Variants in PACS1 observed in about 807,000 individuals in gnomAD.
PACS1 encodes phosphofurin acidic cluster sorting protein 1, also known as PACS-1.
In PACS1, 24 loss-of-function variants were observed where a neutral mutation model predicts 115.0. The observed-to-expected ratio is 0.21, with a 90% CI of 0.15 to 0.29. The LOEUF is 0.29. Among genes scored for constraint, PACS1 ranks in the 10% least tolerant of loss-of-function variants. PACS1 has a pLI of 1.00. For missense variants in PACS1, 838 were observed against 1,251.2 expected, an observed-to-expected ratio of 0.67 and a Z score of 4.98; for synonymous variants, 453 against 504.5, an observed-to-expected ratio of 0.90 and a Z score of 1.37.
At chr11:66,148,082 G>A (rs749277342) in intron 1 of PACS1, among the ~76,000 whole-genome samples, 4 of 152,106 alleles carry the variant, frequency 2.6e-5, no homozygotes, top group African/African-American at 4.8e-5. Flanking sequence ...GTAGTTTGTT[G>A]AGTGTAATTG....
chr11:66,106,763 GAAAA>G (rs960646245), intron 1 of PACS1, among the ~76,000 whole-genome samples: 1 of 141,628 alleles, frequency 7.1e-6, no homozygotes, highest in African/African-American at 2.6e-5. Flanking sequence ...CTGTCTCAGA[GAAAA>G]AAAAAAAAGA....
At chr11:66,155,472 G>T (rs897332861) in intron 1 of PACS1, among the ~76,000 whole-genome samples, 2 of 152,078 alleles carry the variant, frequency 1.3e-5, no homozygotes, top group Admixed American at 1.3e-4. Context: ...ATAAAACAGT[G>T]GCCAGGAGCT....
intron 2 of PACS1, among the ~76,000 whole-genome samples, chr11:66,197,243 A>G (rs1854670861): frequency 6.6e-6 from 1 of 152,130 alleles, no homozygotes; most frequent in Non-Finnish European, 1.5e-5. Context: ...CCCAACACTA[A>G]TATCTCTCTT....
chr11:66,218,890 C>T (rs1024449754), intron 7 of PACS1, among the ~76,000 whole-genome samples: 1 of 150,702 alleles, frequency 6.6e-6, no homozygotes, highest in East Asian at 2.0e-4. Context: ...AGTACAACAG[C>T]ATGCAGTTTT....
At chr11:66,137,245 AGTGTGTGTGTTTGTGTTTGTGTGT>A (rs1858867531) in intron 1 of PACS1, among the ~76,000 whole-genome samples, 1 of 150,532 alleles carries the variant, frequency 6.6e-6, no homozygotes, top group African/African-American at 2.5e-5. Context: ...GATTTGTGTG[AGTGTGTGTGTTTGTGTTTGTGTGT>A]GTGTGTGTGT....
chr11:66,240,996 C>T (rs1855801263), intron 21 of PACS1: 1 of 154,480 alleles, frequency 6.5e-6, no homozygotes, highest in Admixed American at 6.5e-5. Context: ...ACTGGAGCCG[C>T]CCGCAGGGGC....
intron 1 of PACS1, among the ~76,000 whole-genome samples, chr11:66,177,284 C>G (rs1283421203): frequency 6.6e-6 from 1 of 152,118 alleles, no homozygotes; most frequent in African/African-American, 2.4e-5. Context: ...CCACCACCTC[C>G]CGGGTTCAAG....
chr11:66,132,423 C>A (rs1340487152), intron 1 of PACS1, among the ~76,000 whole-genome samples: 1 of 152,052 alleles, frequency 6.6e-6, no homozygotes, highest in Non-Finnish European at 1.5e-5. Flanking sequence ...AGTGTGAAAA[C>A]GGATTAATAC....
chr11:66,070,960 CCCGGCCTGGCTCCAG>C lies in PACS1; in HGVS notation c.356+121_356+135del, dbSNP rs1857298952. Reference sequence around the variant, plus strand: ...CTCCATCTCCCCGACTGTCCCGCGGCCCGGCCTGGCTCCAGCCAGGCCTCCCGGGACTCCTGCCAC... The same window carrying C: ...CTCCATCTCCCCGACTGTCCCGCGGCCCAGGCCTCCCGGGACTCCTGCCAC... On this transcript the variant is annotated intron_variant, in intron 1 of 23. Coordinates refer to ENST00000320580, the MANE Select transcript of PACS1 (RefSeq NM_018026.4). This position sits in a 1 kb window ranked among gnomAD's most constrained non-coding sequence, Gnocchi z 5.9. 1 of 1,079,774 alleles carries C rather than the reference CCCGGCCTGGCTCCAG, an allele frequency of 9.3e-7. No homozygotes were observed. Among genetic ancestry groups the C allele is most frequent in the Non-Finnish European group, 1.2e-6 (1 of 820,162 alleles). The allele number at this position is 1,079,774 out of a possible 1,614,324, so 66.9% of individuals were successfully genotyped here.
intron 1 of PACS1, among the ~76,000 whole-genome samples, chr11:66,161,301 A>C (rs578001144): frequency 6.6e-6 from 1 of 152,140 alleles, no homozygotes; most frequent in African/African-American, 2.4e-5. Context: ...ACTAAAAAAA[A>C]ATTAGCCGGG....
chr11:66,140,163 C>T lies in PACS1; in HGVS notation c.357-53323C>T, dbSNP rs559056631. Among the ~76,000 whole-genome samples the T allele has an allele frequency of 2.6e-5, 4 of 152,278 alleles. No homozygotes were observed. The South Asian group carries it at 8.3e-4, about 32-fold the overall frequency. On this transcript the variant is annotated intron_variant, in intron 1 of 23. Transcript: ENST00000320580. ...GCGGGTAAGAATGTTCTGGGTGTCT[C>T]GTTAAAATGCAGATTCTGATTCAGC...
At chr11:66,115,226 A>AG (rs1726591838) in intron 1 of PACS1, among the ~76,000 whole-genome samples, 1 of 151,782 alleles carries the variant, frequency 6.6e-6, no homozygotes, top group South Asian at 2.1e-4. Context: ...AAAAAAAAAA[A>AG]AAACTAGAAC....
chr11:66,191,047 G>A (rs959744688), intron 1 of PACS1, among the ~76,000 whole-genome samples: 5 of 152,198 alleles, frequency 3.3e-5, no homozygotes, highest in African/African-American at 1.2e-4. Flanking sequence ...ATTTCTGCAG[G>A]TCAGAAGTCC....
At chr11:66,210,839 C>CCA (rs1264260157) in intron 3 of PACS1, among the ~76,000 whole-genome samples, 4 of 152,198 alleles carry the variant, frequency 2.6e-5, no homozygotes, top group Non-Finnish European at 5.9e-5. Flanking sequence ...TCCCTCTCAT[C>CCA]GTAATTCCAG....
chr11:66,194,025 G>A (rs1168461060), intron 2 of PACS1, among the ~76,000 whole-genome samples: 1 of 152,096 alleles, frequency 6.6e-6, no homozygotes, highest in Non-Finnish European at 1.5e-5. Context: ...GTGCAGTGGC[G>A]CGATCTCGGC....
chr11:66,109,611 A>T (rs1460572915), intron 1 of PACS1, among the ~76,000 whole-genome samples: 1 of 151,724 alleles, frequency 6.6e-6, no homozygotes, highest in African/African-American at 2.4e-5. Context: ...TGCTACAGTT[A>T]CTCCAGCCTC....
At chr11:66,114,212 A>G (rs1858253962) in intron 1 of PACS1, among the ~76,000 whole-genome samples, 1 of 151,980 alleles carries the variant, frequency 6.6e-6, no homozygotes, top group South Asian at 2.1e-4. Flanking sequence ...AGGTCAAGAG[A>G]TCGAGACCAT....
At chr11:66,150,362 G>A (rs1321054972) in intron 1 of PACS1, among the ~76,000 whole-genome samples, 1 of 152,046 alleles carries the variant, frequency 6.6e-6, no homozygotes, top group Non-Finnish European at 1.5e-5. Context: ...AGAACAGACT[G>A]GGTTTTGCTG....
In PACS1 at chr11:66,241,433, T is replaced by C; in HGVS notation, c.2436T>C (p.Pro812=). 1 of 1,590,156 alleles carries C rather than the reference T, an allele frequency of 6.3e-7. No homozygotes were observed. The highest frequency in any genetic ancestry group is 8.6e-7 in the Non-Finnish European group (1 of 1,167,666). ...CTTTGTTCCCTTTCCTCAGGAGCCCTAATAGCCCATATGGGGACGTGATTG... is the reference window on the plus strand; with the variant it reads ...CTTTGTTCCCTTTCCTCAGGAGCCCCAATAGCCCATATGGGGACGTGATTG... ...MSSALAIVGS[P]NSPYGDVIGL... The change falls in exon 22 of 24, where the codon CCT becomes CCC. Residue 812 remains proline (P), a synonymous_variant. Coordinates refer to ENST00000320580, the MANE Select transcript of PACS1 (RefSeq NM_018026.4).
Sources: gnomAD v4.1 joint callset for allele counts (sites outside exome capture counted in the v4.1 genomes callset) on GRCh38, gnomAD v4.1.1 for gene constraint, Gnocchi (gnomAD v3.1) non-coding constraint, MANE v1.5 for transcripts, NCBI Gene and HGNC (gene_info 2026-07-23, HGNC 2026-07-21) for gene names.